APBA1: variants seen among roughly 807,000 people sequenced by gnomAD.
The protein encoded by APBA1 is amyloid-beta A4 precursor protein-binding family A member 1.
Under a neutral mutation model 86.6 loss-of-function variants are expected in APBA1, and 55 were observed. The ratio of observed to expected loss-of-function variants is 0.64; its 90% confidence interval spans 0.51 to 0.80. The LOEUF (loss-of-function observed/expected upper bound fraction) is 0.80, where lower values mean the gene tolerates loss of function less well. APBA1 is among the 30% of genes least tolerant of loss of function. The probability of loss-of-function intolerance (pLI) is 0.00; values close to 1 mark genes in which losing one functional copy is unlikely to be tolerated. For missense variants in APBA1, 1,090 were observed against 1,183.0 expected (o/e 0.92, Z 1.15); for synonymous variants, 511 against 493.9 (o/e 1.03, Z -0.46).
chr9:69,669,378 A>G (rs1588421301), intron 1 of APBA1, among the ~76,000 whole-genome samples: 1 of 152,164 alleles, frequency 6.6e-6, no homozygotes, highest in Admixed American at 6.5e-5. Flanking sequence ...AAACAAAACA[A>G]CAACAACAAA....
chr9:69,564,683 G>A (rs911760422), intron 1 of APBA1, among the ~76,000 whole-genome samples: 5 of 152,158 alleles, frequency 3.3e-5, no homozygotes, highest in African/African-American at 4.8e-5. Flanking sequence ...GCAAGTGTTG[G>A]CAAGGCTGTG....
At chr9:69,576,303 T>C (rs11139413) in intron 1 of APBA1, among the ~76,000 whole-genome samples, 37 of 152,232 alleles carry the variant, frequency 2.4e-4, no homozygotes, top group African/African-American at 8.9e-4. Context: ...AGTGTGGCGA[T>C]TCCTCAGGAT....
rs201589566 is a variant in APBA1, at chr9:69,456,241, C to G, written c.1788+6G>C. ...CCAAAAGGAGATCAAAGGAAGCAAC[C>G]CTTACATCCTCAGACTCGAAGACGT... On this transcript the variant is annotated splice_donor_region_variant and intron_variant, in intron 8 of 12. Transcript: ENST00000265381. The G allele has an allele frequency of 1.2e-5, 19 of 1,614,024 alleles. No homozygotes were observed. Among genetic ancestry groups the G allele is most frequent in the Non-Finnish European group, 1.4e-5 (17 of 1,180,012 alleles).
chr9:69,457,255 A>G (rs1835114938), intron 6 of APBA1, 116 bp from the exon 7 acceptor site: 7 of 752,420 alleles, frequency 9.3e-6, no homozygotes, highest in South Asian at 3.1e-5. Context: ...GAACAGCAAT[A>G]CAGACTCTAG....
chr9:69,532,090 GGTT>G (rs1346745304), intron 1 of APBA1, among the ~76,000 whole-genome samples: 1 of 142,652 alleles, frequency 7.0e-6, no homozygotes. Context: ...AGGTGATAAT[GGTT>G]TATCAATAGG....
At position 69,498,911 on chromosome 9, in the gene APBA1, G is replaced by A. The variant is rs541464635; in HGVS notation, c.1200+17100C>T. On this transcript the variant is annotated intron_variant, in intron 2 of 12. Transcript: ENST00000265381. ...GCTTAATCACTTTGCATGGCAGACG[G>A]TTGAGAACACATTTATACCTCTGAT... 3.9e-5 allele frequency among the ~76,000 whole-genome samples: 6 copies of A among 152,224 alleles called. No homozygotes were observed. In the South Asian group the frequency reaches 1.2e-3, roughly 32 times the overall value.
chr9:69,664,944 C>T (rs1208174048), intron 1 of APBA1, among the ~76,000 whole-genome samples: 3 of 152,140 alleles, frequency 2.0e-5, no homozygotes, highest in African/African-American at 4.8e-5. Flanking sequence ...TTTATGATAC[C>T]TCTGTGCTGT....
Position 69,619,396 on chromosome 9 carries a change from G to A in APBA1, c.-70+52757C>T, listed in dbSNP as rs192849710. On this transcript the variant is annotated intron_variant, in intron 1 of 12. Transcript: ENST00000265381. ...ATACTATAAACACATTTGCTATTTC[G>A]GCCCTACTATTTACTAGCTGTGTGA... Among the ~76,000 whole-genome samples, 38 of 152,172 alleles carry A rather than the reference G, an allele frequency of 2.5e-4. No homozygotes were observed. The East Asian group carries it at 3.7e-3, about 15-fold the overall frequency.
chr9:69,465,948 G>T (rs897440017), intron 5 of APBA1, among the ~76,000 whole-genome samples: 1 of 152,300 alleles, frequency 6.6e-6, no homozygotes, highest in Middle Eastern at 3.4e-3. Context: ...GAACTAAAAG[G>T]TCCTGTCAGT....
At chr9:69,499,666 C>CTAA (rs1564056942) in intron 2 of APBA1, among the ~76,000 whole-genome samples, 23 of 143,020 alleles carry the variant, frequency 1.6e-4, no homozygotes, top group Middle Eastern at 3.7e-3. Context: ...AGCAACGGTC[C>CTAA]AAAAAAAAAA....
At chr9:69,470,769 C>T (rs975948853) in intron 4 of APBA1, among the ~76,000 whole-genome samples, 1 of 152,202 alleles carries the variant, frequency 6.6e-6, no homozygotes, top group African/African-American at 2.4e-5. Context: ...GCGATGCACC[C>T]AGGTGGACCC....
rs73449410 is a variant in APBA1, at chr9:69,526,151, C to T, written c.-69-8872G>A. On this transcript the variant is annotated intron_variant, in intron 1 of 12. Coordinates refer to ENST00000265381, the MANE Select transcript of APBA1 (RefSeq NM_001163.4). ...ACATCATTTGGTCTTGGGGACACCA[C>T]ATCAGCCTTGGGAAAGAATTTATGA... Among the ~76,000 whole-genome samples, 1,198 of 152,134 alleles carry T rather than the reference C, an allele frequency of 7.9e-3. 15 individuals carry two copies. The highest frequency in any genetic ancestry group is 0.027 in the African/African-American group (1,135 of 41,528).
At chr9:69,552,029 C>T (rs1333236901) in intron 1 of APBA1, among the ~76,000 whole-genome samples, 1 of 152,200 alleles carries the variant, frequency 6.6e-6, no homozygotes, top group East Asian at 1.9e-4. Context: ...AAAGACATAT[C>T]ACACAGTTCA....
intron 2 of APBA1, among the ~76,000 whole-genome samples, chr9:69,496,085 G>C (rs1402053705): frequency 2.3e-4 from 35 of 152,068 alleles, no homozygotes; most frequent in Admixed American, 2.3e-3. Context: ...GTTCAGACCA[G>C]ACCAGAGAAA....
At chr9:69,618,015 A>C (rs1482961971) in intron 1 of APBA1, among the ~76,000 whole-genome samples, 1 of 152,132 alleles carries the variant, frequency 6.6e-6, no homozygotes. Context: ...CATTTTCTTA[A>C]ATCTCAACTT....
At chr9:69,659,244 G>A (rs1307581055) in intron 1 of APBA1, among the ~76,000 whole-genome samples, 1 of 152,120 alleles carries the variant, frequency 6.6e-6, no homozygotes, top group Non-Finnish European at 1.5e-5. Context: ...AGCAGGGAAG[G>A]GAGTGATCAA....
At position 69,456,334 on chromosome 9, in the gene APBA1, G is replaced by T; in HGVS notation, c.1701C>A (p.Asn567Lys). The change falls in exon 8 of 13, where the codon AAC becomes AAA. Residue 567 changes from asparagine (N) to lysine (K), a missense_variant. Asn to Lys is a moderately conservative substitution (Grantham distance 94). Around this residue, in one of 6 missense-constraint regions of APBA1, gnomAD observed 103 missense variants for 91.9 expected, o/e 1.12. Coordinates refer to ENST00000265381, the MANE Select transcript of APBA1 (RefSeq NM_001163.4). ...GGGACGCTTCCACGTTCTCCTGGGAGTTGGAGCGAGGCATCCGCCGGCGGG... is the reference window on the plus strand; with the variant it reads ...GGGACGCTTCCACGTTCTCCTGGGATTTGGAGCGAGGCATCCGCCGGCGGG... ...LMARRRMPRSNSQENVEASHP... is the reference protein window; with the variant it reads ...LMARRRMPRSKSQENVEASHP... The T allele has an allele frequency of 1.2e-6, 2 of 1,614,194 alleles. No homozygotes were observed. Among genetic ancestry groups the T allele is most frequent in the Non-Finnish European group, 1.7e-6 (2 of 1,180,026 alleles).
intron 1 of APBA1, among the ~76,000 whole-genome samples, chr9:69,664,616 T>C (rs536143395): frequency 7.7e-4 from 118 of 152,370 alleles, no homozygotes; most frequent in Admixed American, 3.7e-3. Flanking sequence ...TTTTATATAA[T>C]GTGACTTCAA....
rs1835074258 is a variant in APBA1, at chr9:69,455,156, GAA to G, written c.1788+1089_1788+1090del. ...GCTAGACGAATGCTGTACTGGAGAA[GAA>G]GGGCCTCTTTGAAGGAACCAAGGCT... On this transcript the variant is annotated intron_variant, in intron 8 of 12. Transcript: ENST00000265381. Among the ~76,000 whole-genome samples, 4 of 152,286 alleles carry G rather than the reference GAA, an allele frequency of 2.6e-5. No homozygotes were observed. The South Asian group carries it at 8.3e-4, about 32-fold the overall frequency.
Sources: allele counts gnomAD v4.1 joint callset (sites outside exome capture counted in the v4.1 genomes callset), GRCh38; gene constraint gnomAD v4.1.1; regional missense constraint gnomAD v4.1.1; transcripts MANE v1.5; gene names NCBI Gene and HGNC (gene_info 2026-07-23, HGNC 2026-07-21).